Variants in IFT74 observed in about 807,000 individuals in gnomAD.
IFT74 encodes intraflagellar transport protein 74 homolog.
In IFT74, 92 loss-of-function variants were observed where a neutral mutation model predicts 96.7. The ratio of observed to expected loss-of-function variants is 0.95; its 90% CI spans 0.80 to 1.13. The LOEUF (loss-of-function observed/expected upper bound fraction) is 1.13, where lower values mean the gene tolerates loss of function less well. IFT74 is among the 50% of genes most tolerant of loss of function. The pLI is 0.00. For synonymous variants in IFT74, 223 were observed against 213.2 expected (o/e 1.05, Z -0.40); for missense variants, 811 against 698.2 (o/e 1.16, Z -1.82).
chr9:27,049,871 T>C (rs1819848408), intron 16 of IFT74, among the ~76,000 whole-genome samples: 1 of 152,138 alleles, frequency 6.6e-6, no homozygotes, highest in Admixed American at 6.5e-5. Flanking sequence ...ACAGTATATA[T>C]TATATTTATA....
At chr9:27,015,437 GA>G (rs1489262503) in intron 10 of IFT74, among the ~76,000 whole-genome samples, 1 of 152,072 alleles carries the variant, frequency 6.6e-6, no homozygotes, top group Non-Finnish European at 1.5e-5. Flanking sequence ...GGAGTTTTGA[GA>G]CCAGCATGGC....
chr9:27,037,054 C>T (rs975840503), intron 13 of IFT74, among the ~76,000 whole-genome samples: 1 of 151,886 alleles, frequency 6.6e-6, no homozygotes, highest in Non-Finnish European at 1.5e-5. Context: ...CCCGTCTCTA[C>T]TAAAAAATAC....
At chr9:26,997,900 A>G (rs1322611140) in intron 8 of IFT74, 1 of 1,614,204 alleles carries the variant, frequency 6.2e-7, no homozygotes, top group African/African-American at 1.3e-5. Flanking sequence ...TTAGAGGCAC[A>G]AATACATCAG....
chr9:26,979,552 C>T (rs1827266391), intron 3 of IFT74, among the ~76,000 whole-genome samples: 1 of 151,938 alleles, frequency 6.6e-6, no homozygotes, highest in Admixed American at 6.6e-5. Flanking sequence ...TCATTCTTAC[C>T]TTCTCTAGTG....
At chr9:27,032,063 C>G (rs944127178) in intron 13 of IFT74, among the ~76,000 whole-genome samples, 1 of 152,132 alleles carries the variant, frequency 6.6e-6, no homozygotes, top group African/African-American at 2.4e-5. Flanking sequence ...CTATAAAGAA[C>G]AGCATTACTA....
chr9:26,994,016 T>G (rs1383207607), intron 8 of IFT74: 2 of 152,230 alleles, frequency 1.3e-5, no homozygotes, highest in Non-Finnish European at 1.5e-5. Context: ...TATAGCCAAT[T>G]GATTATGAGG....
intron 2 of IFT74, among the ~76,000 whole-genome samples, chr9:26,975,761 C>T (rs191008495): frequency 6.6e-6 from 1 of 152,274 alleles, no homozygotes; most frequent in East Asian, 1.9e-4. Flanking sequence ...GATTTCTTGC[C>T]TATCGATTTC....
chr9:26,948,109 G>T (rs1259696709), intron 1 of IFT74, among the ~76,000 whole-genome samples: 1 of 152,086 alleles, frequency 6.6e-6, no homozygotes, highest in African/African-American at 2.4e-5. Context: ...TCCTACTCTA[G>T]GTTTGGAATC....
At chr9:27,051,081 G>T (rs868477147) in intron 16 of IFT74, among the ~76,000 whole-genome samples, 22 of 152,122 alleles carry the variant, frequency 1.4e-4, no homozygotes, top group African/African-American at 3.9e-4. Flanking sequence ...TGTACTTGAT[G>T]ACAAGGTATT....
chr9:27,009,369 CCTAG>C (rs1362216776), intron 9 of IFT74, among the ~76,000 whole-genome samples: 2 of 152,032 alleles, frequency 1.3e-5, no homozygotes. Flanking sequence ...TGTTTGATGA[CCTAG>C]CTTTTACTCT....
chr9:27,056,907 T>C (rs866844348), intron 18 of IFT74, among the ~76,000 whole-genome samples: 4 of 142,780 alleles, frequency 2.8e-5, no homozygotes, highest in Admixed American at 2.8e-4. Context: ...TAGATAGATA[T>C]GTGTATACAC....
chr9:27,064,404 ATGAAATC>A lies in IFT74; in HGVS notation c.*1675_*1681del, dbSNP rs1820547665. ...AAAACTCTTTTAGCAGTTAAAGAGA[ATGAAATC>A]TGAAATTCAGTAGATAAAACAGGTA... On this transcript the variant is annotated 3_prime_UTR_variant, in exon 20 of 20. Transcript: ENST00000380062. 6.6e-6 allele frequency among the ~76,000 whole-genome samples: 1 copy of A among 152,166 alleles called. No individual in the cohort carries two copies. The highest frequency in any genetic ancestry group is 6.5e-5 in the Admixed American group (1 of 15,274).
At position 27,065,137 on chromosome 9, in the gene IFT74, A is replaced by C. The variant is rs1044805402; in HGVS notation, c.*2401A>C. ...AATTTGGCAGGAAAAAAATTTCTTG[A>C]CAAAAAGCAAGGCTTTCAATTTCCA... On this transcript the variant is annotated 3_prime_UTR_variant, in exon 20 of 20. Transcript: ENST00000380062. Among the ~76,000 whole-genome samples the C allele has an allele frequency of 6.6e-6, 1 of 152,160 alleles. No homozygotes were observed. The highest frequency in any genetic ancestry group is 1.5e-5 in the Non-Finnish European group (1 of 67,996).
Position 26,984,608 on chromosome 9 carries a change from T to C in IFT74, c.465+49T>C, listed in dbSNP as rs186656293. On this transcript the variant is annotated intron_variant, in intron 6 of 19. Transcript: ENST00000380062. ...TTTACTGTTAATATTTTCATTAGTT[T>C]TTACTACTGCTTTAAAAATACATTA... The C allele has an allele frequency of 7.6e-5, 108 of 1,413,264 alleles. No homozygotes were observed. The African/African-American group carries it at 1.4e-3, about 19-fold the overall frequency. 87.5% of individuals were successfully genotyped at this position (1,413,264 alleles called of 1,614,324 possible).
intron 10 of IFT74, among the ~76,000 whole-genome samples, chr9:27,013,931 G>C (rs960645343): frequency 2.0e-5 from 3 of 151,980 alleles, no homozygotes; most frequent in Non-Finnish European, 4.4e-5. Context: ...TAGTAAGGTA[G>C]TTGGCTGGGC....
intron 8 of IFT74, chr9:26,994,917 G>A (rs1033878871): frequency 6.6e-6 from 1 of 152,354 alleles, no homozygotes; most frequent in South Asian, 2.1e-4. Context: ...TTTATAACCA[G>A]AATCAATAGT....
chr9:26,981,672 G>C (rs953912624), intron 4 of IFT74, among the ~76,000 whole-genome samples: 1 of 151,644 alleles, frequency 6.6e-6, no homozygotes, highest in Non-Finnish European at 1.5e-5. Context: ...TGCCCATCTC[G>C]GCCTTCCAAA....
chr9:26,951,863 A>C (rs59452957), upstream of IFT74, among the ~76,000 whole-genome samples: 7,836 of 152,076 alleles, frequency 0.052, 223 homozygotes, highest in African/African-American at 0.073. Context: ...GCTCCACTCC[A>C]CTCCAGCCTG....
At chr9:27,022,702 G>A (rs1829670183) in intron 12 of IFT74, among the ~76,000 whole-genome samples, 2 of 151,222 alleles carry the variant, frequency 1.3e-5, no homozygotes, top group Admixed American at 6.6e-5. Flanking sequence ...GTGTGTAGTG[G>A]CGCAATCTTG....
Sources: gnomAD v4.1 joint callset for allele counts (sites outside exome capture counted in the v4.1 genomes callset) on GRCh38, gnomAD v4.1.1 for gene constraint, MANE v1.5 for transcripts, NCBI Gene and HGNC (gene_info 2026-07-23, HGNC 2026-07-21) for gene names.